AXDND1: variants seen among roughly 807,000 people sequenced by gnomAD.
AXDND1 encodes axonemal dynein light chain domain-containing protein 1.
In AXDND1, 110 loss-of-function variants were observed where a neutral mutation model predicts 137.5. That is an observed-to-expected ratio of 0.80 (90% CI 0.69 to 0.94). The LOEUF is 0.94. AXDND1 is among the 40% of genes least tolerant of loss of function. The pLI is 0.00. For missense variants in AXDND1, 1,191 were observed against 1,169.8 expected (o/e 1.02, Z -0.26); for synonymous variants, 414 against 399.7 (o/e 1.04, Z -0.43).
chr1:179,422,773 T>C (rs1012752928), intron 12 of AXDND1, among the ~76,000 whole-genome samples: 1 of 152,174 alleles, frequency 6.6e-6, no homozygotes, highest in African/African-American at 2.4e-5. Flanking sequence ...TCCCCCTTTT[T>C]TTTTCTTTGA....
chr1:179,501,315 G>T (rs1402137611), intron 20 of AXDND1, among the ~76,000 whole-genome samples: 1 of 152,074 alleles, frequency 6.6e-6, no homozygotes, highest in Non-Finnish European at 1.5e-5. Context: ...TTCAAAGATG[G>T]ACAACTATGT....
chr1:179,551,795 A>AC, intron 25 of AXDND1: 1 of 298,218 alleles, frequency 3.4e-6, no homozygotes, highest in Non-Finnish European at 6.4e-6. Context: ...TGAAAGGGTG[A>AC]CCCCCAACTC....
At chr1:179,376,387 C>A (rs923316921) in intron 4 of AXDND1, among the ~76,000 whole-genome samples, 3 of 152,050 alleles carry the variant, frequency 2.0e-5, no homozygotes, top group Admixed American at 1.3e-4. Flanking sequence ...GGTTTCATAT[C>A]CGGTGAATAC....
intron 15 of AXDND1, among the ~76,000 whole-genome samples, chr1:179,436,487 A>G (rs1011323551): frequency 2.6e-5 from 4 of 152,222 alleles, no homozygotes; most frequent in Non-Finnish European, 4.4e-5. Context: ...TGGTACATAT[A>G]CACCATGAAA....
intron 18 of AXDND1, among the ~76,000 whole-genome samples, chr1:179,486,241 A>G (rs1210164426): frequency 6.6e-6 from 1 of 151,488 alleles, no homozygotes; most frequent in Non-Finnish European, 1.5e-5. Flanking sequence ...TCAGAGTTTG[A>G]AGACTGGTTC....
chr1:179,501,709 T>TAAAAC (rs533471416), intron 20 of AXDND1, among the ~76,000 whole-genome samples: 30 of 151,928 alleles, frequency 2.0e-4, no homozygotes, highest in African/African-American at 5.5e-4. Context: ...GACTGTGTCT[T>TAAAAC]AAAACAAAAC....
At position 179,538,671 on chromosome 1, in the gene AXDND1, G is replaced by C. The variant is rs143999080; in HGVS notation, c.3031+3709G>C. 2.6e-3 allele frequency among the ~76,000 whole-genome samples: 395 copies of C among 152,310 alleles called. 1 individual carries two copies. The highest frequency in any genetic ancestry group is 8.4e-3 in the African/African-American group (350 of 41,566). On this transcript the variant is annotated intron_variant, in intron 25 of 25. Transcript: ENST00000367618. ...TGCTGAGAAGAATGTATATTCTATT[G>C]ATTTGGGATGGAGAATTCTGTAGGT...
At chr1:179,519,634 C>T (rs4651039) in intron 21 of AXDND1, among the ~76,000 whole-genome samples, 133,668 of 152,210 alleles carry the variant, frequency 0.88, 58,870 homozygotes, top group East Asian at 0.96. Flanking sequence ...GCACCATTTA[C>T]TGAATAGGGA....
chr1:179,451,467 G>C (rs1205596940), intron 16 of AXDND1: 1 of 152,064 alleles, frequency 6.6e-6, no homozygotes, highest in African/African-American at 2.4e-5. Context: ...ACTAGCTAAA[G>C]GTTTATCAAT....
chr1:179,455,194 G>C (rs1661146996), intron 16 of AXDND1: 1 of 149,828 alleles, frequency 6.7e-6, no homozygotes, highest in African/African-American at 2.5e-5. Flanking sequence ...AGAATCGCTT[G>C]AACCCGGGAG....
chr1:179,523,701 C>T (rs1174584458), intron 21 of AXDND1, among the ~76,000 whole-genome samples: 1 of 152,112 alleles, frequency 6.6e-6, no homozygotes, highest in Non-Finnish European at 1.5e-5. Context: ...TTGCCTGCAT[C>T]AGAACATCAT....
At chr1:179,464,594 T>G (rs1210744853) in intron 16 of AXDND1, among the ~76,000 whole-genome samples, 1 of 152,134 alleles carries the variant, frequency 6.6e-6, no homozygotes, top group Non-Finnish European at 1.5e-5. Context: ...TTATGTGTTT[T>G]GGAGTTGCTC....
chr1:179,526,155 CT>C (rs1411360582), intron 22 of AXDND1, among the ~76,000 whole-genome samples: 1 of 151,936 alleles, frequency 6.6e-6, no homozygotes, highest in African/African-American at 2.4e-5. Context: ...TCTGAGCTGC[CT>C]TTTGCCCTCC....
chr1:179,475,133 G>T (rs1349915146), intron 17 of AXDND1, among the ~76,000 whole-genome samples: 2 of 152,240 alleles, frequency 1.3e-5, no homozygotes, highest in Admixed American at 1.3e-4. Flanking sequence ...TGGATGTCCA[G>T]GCAGAGGTCT....
chr1:179,385,381 G>T lies in AXDND1; in HGVS notation c.863+22G>T, dbSNP rs188823983. 7,632 of 1,613,130 alleles carry T rather than the reference G, an allele frequency of 4.7e-3. 27 individuals carry two copies. Among genetic ancestry groups the T allele is most frequent in the Middle Eastern group, 0.027 (161 of 6,056 alleles). ...TCAGGTTAGTGCTGTTATTGGAATG[G>T]TCCAGTTTCCTTTTGATTTTTATAT... is the stretch of plus-strand genomic sequence containing the variant. On this transcript the variant is annotated intron_variant, in intron 9 of 25. Coordinates refer to ENST00000367618, the MANE Select transcript of AXDND1 (RefSeq NM_144696.6).
intron 20 of AXDND1, among the ~76,000 whole-genome samples, chr1:179,504,897 G>C (rs1668382930): frequency 6.6e-6 from 1 of 152,208 alleles, no homozygotes; most frequent in African/African-American, 2.4e-5. Context: ...GCCTTCTTCT[G>C]CTAAGAAAAT....
chr1:179,444,923 T>C (rs1394323125), intron 15 of AXDND1, 47 bp from the exon 16 acceptor site: 10 of 1,352,056 alleles, frequency 7.4e-6, no homozygotes, highest in Non-Finnish European at 1.0e-5. Flanking sequence ...TTTGATAAAC[T>C]CATTAGTGGA....
intron 20 of AXDND1, among the ~76,000 whole-genome samples, chr1:179,497,797 A>T (rs927143559): frequency 6.6e-6 from 1 of 152,196 alleles, no homozygotes; most frequent in African/African-American, 2.4e-5. Flanking sequence ...GAATTGATAA[A>T]CAACTTTAGT....
intron 22 of AXDND1, among the ~76,000 whole-genome samples, chr1:179,526,620 A>G (rs1670554218): frequency 1.3e-5 from 2 of 152,232 alleles, no homozygotes; most frequent in Non-Finnish European, 2.9e-5. Flanking sequence ...AAGTGTTGGC[A>G]TGACTCCAGG....
Sources: allele counts gnomAD v4.1 joint callset (sites outside exome capture counted in the v4.1 genomes callset), GRCh38; gene constraint gnomAD v4.1.1; transcripts MANE v1.5; gene names NCBI Gene and HGNC (gene_info 2026-07-23, HGNC 2026-07-21).